The following DOK6 variants were observed in gnomAD, a reference collection of about 807,000 sequenced individuals.
The protein encoded by DOK6 is downstream of tyrosine kinase 6.
In DOK6, 22 loss-of-function variants were observed where a neutral mutation model predicts 44.0. The ratio of observed to expected loss-of-function variants is 0.50; its 90% CI spans 0.36 to 0.71. The LOEUF is 0.71. Among genes scored for constraint, DOK6 ranks in the 30% least tolerant of loss-of-function variants. The probability of loss-of-function intolerance (pLI) is 0.00; values close to 1 mark genes in which losing one functional copy is unlikely to be tolerated. For synonymous variants in DOK6, 166 were observed against 145.5 expected, an observed-to-expected ratio of 1.14 and a Z score of -1.01; for missense variants, 340 against 416.4, an observed-to-expected ratio of 0.82 and a Z score of 1.60.
intron 7 of DOK6, among the ~76,000 whole-genome samples, chr18:69,830,484 CA>C (rs1981870782): frequency 6.6e-6 from 1 of 152,142 alleles, no homozygotes; most frequent in Admixed American, 6.5e-5. Context: ...GAGGACACAG[CA>C]CAAAGATGGC....
intron 6 of DOK6, among the ~76,000 whole-genome samples, chr18:69,747,599 T>TC (rs934624120): frequency 3.4e-5 from 5 of 148,162 alleles, no homozygotes; most frequent in African/African-American, 5.1e-5. Flanking sequence ...CTCCGCCCCC[T>TC]CCCCCCCACA....
chr18:69,779,517 G>A (rs1980189212), intron 7 of DOK6, among the ~76,000 whole-genome samples: 1 of 151,524 alleles, frequency 6.6e-6, no homozygotes, highest in Admixed American at 6.6e-5. Context: ...GTGTTGTTAT[G>A]CTTGCTATTT....
At chr18:69,431,855 T>C (rs959480875) in intron 1 of DOK6, among the ~76,000 whole-genome samples, 1 of 152,230 alleles carries the variant, frequency 6.6e-6, no homozygotes, top group Non-Finnish European at 1.5e-5. Flanking sequence ...GTTACAAAGA[T>C]AGTACAGAGA....
intron 5 of DOK6, among the ~76,000 whole-genome samples, chr18:69,737,950 T>TA (rs757621771): frequency 6.6e-6 from 1 of 152,232 alleles, no homozygotes; most frequent in Non-Finnish European, 1.5e-5. Context: ...TGCTGCTCCT[T>TA]ACTCCTCTGA....
At chr18:69,593,728 A>T (rs750952396) in intron 2 of DOK6, among the ~76,000 whole-genome samples, 4 of 152,240 alleles carry the variant, frequency 2.6e-5, no homozygotes, top group Non-Finnish European at 5.9e-5. Flanking sequence ...GGACAAAAAA[A>T]TAGAAATCAC....
At chr18:69,489,406 G>A (rs1428258235) in intron 1 of DOK6, among the ~76,000 whole-genome samples, 1 of 152,190 alleles carries the variant, frequency 6.6e-6, no homozygotes, top group African/African-American at 2.4e-5. Flanking sequence ...GGGAGGGTAA[G>A]CCCGTTTCCA....
chr18:69,657,032 G>A (rs150395330), intron 3 of DOK6, among the ~76,000 whole-genome samples: 2 of 152,162 alleles, frequency 1.3e-5, no homozygotes, highest in African/African-American at 2.4e-5. Context: ...CATGACAAGT[G>A]GAAAACACAA....
At chr18:69,654,257 GAA>G in intron 3 of DOK6, among the ~76,000 whole-genome samples, 1 of 152,304 alleles carries the variant, frequency 6.6e-6, no homozygotes, top group East Asian at 1.9e-4. Flanking sequence ...AAGTTTAAGA[GAA>G]AAAGAGATTG....
chr18:69,637,877 T>C (rs1398903547), intron 3 of DOK6, among the ~76,000 whole-genome samples: 5 of 150,420 alleles, frequency 3.3e-5, no homozygotes, highest in Non-Finnish European at 7.4e-5. Flanking sequence ...TGGCAAACTT[T>C]TAAGTTTTTT....
At position 69,677,816 on chromosome 18, in the gene DOK6, C is replaced by G; in HGVS notation, c.372C>G (p.Pro124=). Residue 124 remains proline, a synonymous_variant, in exon 4 of 8, where the codon CCC becomes CCG. Coordinates refer to ENST00000382713, the MANE Select transcript of DOK6 (RefSeq NM_152721.6). ...TCAATGATATCAGCCTTGGGGAGCC[C>G]GACCTTCTGGCCGCAGGAGTGCAGC... The part of the protein sequence containing the change: ...TRLNDISLGE[P]DLLAAGVQRE... 6.2e-7 allele frequency: 1 copy of G among 1,613,722 alleles called. No homozygotes were observed. The highest frequency in any genetic ancestry group is 8.5e-7 in the Non-Finnish European group (1 of 1,179,768).
chr18:69,599,349 C>CTGTA, intron 2 of DOK6, 35 bp from the exon 3 acceptor site: 1 of 1,489,504 alleles, frequency 6.7e-7, no homozygotes, highest in Non-Finnish European at 9.3e-7. Context: ...AGCATACATA[C>CTGTA]TGTACACTAA....
intron 3 of DOK6, among the ~76,000 whole-genome samples, chr18:69,672,985 C>T (rs1985840631): frequency 6.6e-6 from 1 of 152,050 alleles, no homozygotes; most frequent in Admixed American, 6.5e-5. Flanking sequence ...CAAATCTGCA[C>T]AGAACATAAG....
intron 3 of DOK6, among the ~76,000 whole-genome samples, chr18:69,601,413 A>T (rs1375613990): frequency 6.6e-6 from 1 of 152,204 alleles, no homozygotes; most frequent in African/African-American, 2.4e-5. Flanking sequence ...TGATCTATTA[A>T]TTCAGAAACT....
chr18:69,401,961 C>T (rs1388245386), intron 1 of DOK6, among the ~76,000 whole-genome samples: 4 of 152,188 alleles, frequency 2.6e-5, no homozygotes, highest in Non-Finnish European at 5.9e-5. Context: ...TTTCCCTATT[C>T]TTGAGAGATG....
intron 1 of DOK6, among the ~76,000 whole-genome samples, chr18:69,518,685 C>A (rs1981602153): frequency 6.6e-6 from 1 of 151,932 alleles, no homozygotes; most frequent in Non-Finnish European, 1.5e-5. Flanking sequence ...GGCATTATTT[C>A]TTTGGCTAAA....
chr18:69,822,886 T>A (rs1014177212), intron 7 of DOK6, among the ~76,000 whole-genome samples: 7 of 152,200 alleles, frequency 4.6e-5, no homozygotes, highest in Non-Finnish European at 1.0e-4. Flanking sequence ...AAATAGTAAT[T>A]TCCTTATTCT....
intron 2 of DOK6, among the ~76,000 whole-genome samples, chr18:69,589,636 T>C (rs1029890470): frequency 6.6e-6 from 1 of 152,122 alleles, no homozygotes; most frequent in Non-Finnish European, 1.5e-5. Context: ...TATTTATGTA[T>C]GTAGTAAATA....
Position 69,516,212 on chromosome 18 carries a change from ATTGTAC to A in DOK6, c.67-48273_67-48268del, listed in dbSNP as rs151099143. 7.2e-3 allele frequency among the ~76,000 whole-genome samples: 1,090 copies of A among 151,700 alleles called. 7 individuals carry two copies. The highest frequency in any genetic ancestry group is 0.025 in the African/African-American group (1,040 of 41,254). ...TCCAAGAATGTTTCACATTCTAGGT[ATTGTAC>A]TATATTCTGGGAGTTAAGAAGATCC... On this transcript the variant is annotated intron_variant, in intron 1 of 7. Coordinates refer to ENST00000382713, the MANE Select transcript of DOK6 (RefSeq NM_152721.6).
intron 3 of DOK6, among the ~76,000 whole-genome samples, chr18:69,653,923 T>C (rs1985296539): frequency 6.6e-6 from 1 of 152,092 alleles, no homozygotes; most frequent in African/African-American, 2.4e-5. Flanking sequence ...AAATGGTTAA[T>C]AGAAATGGGG....
Sources: gnomAD v4.1 joint callset for allele counts (sites outside exome capture counted in the v4.1 genomes callset) on GRCh38, gnomAD v4.1.1 for gene constraint, MANE v1.5 for transcripts, NCBI Gene and HGNC (gene_info 2026-07-23, HGNC 2026-07-21) for gene names.